Variants in POU2F2 observed in about 807,000 individuals in gnomAD.
The protein encoded by POU2F2 is POU class 2 homeobox 2.
Under a neutral mutation model 63.5 loss-of-function variants are expected in POU2F2, and 14 were observed. The observed-to-expected ratio is 0.22, with a 90% confidence interval of 0.15 to 0.34. POU2F2 has a LOEUF of 0.34. Ranked by LOEUF, POU2F2 falls within the 10% of genes least tolerant of loss-of-function variation. POU2F2 has a pLI of 1.00. For synonymous variants in POU2F2, 306 were observed against 348.6 expected (o/e 0.88, Z 1.36); for missense variants, 607 against 815.2 (o/e 0.74, Z 3.11).
intron 1 of POU2F2, among the ~76,000 whole-genome samples, chr19:42,123,426 C>T (rs2032876397): frequency 6.6e-6 from 1 of 152,152 alleles, no homozygotes; most frequent in Non-Finnish European, 1.5e-5. Context: ...TGCCTGTCCT[C>T]AAAGCGCTCT....
At chr19:42,195,924 C>G (rs1045076243) in intron 1 of POU2F2, among the ~76,000 whole-genome samples, 1 of 152,058 alleles carries the variant, frequency 6.6e-6, no homozygotes, top group Non-Finnish European at 1.5e-5. Context: ...GGATTACAGG[C>G]ATGTGCCACC....
chr19:42,148,776 C>T (rs1267067176), intron 2 of POU2F2, among the ~76,000 whole-genome samples: 1 of 144,514 alleles, frequency 6.9e-6, no homozygotes, highest in Non-Finnish European at 1.5e-5. Context: ...GGTTCTTCCT[C>T]ACTTGCTCCA....
At chr19:42,196,158 C>CCTGG (rs2035143216) in intron 1 of POU2F2, among the ~76,000 whole-genome samples, 1 of 152,050 alleles carries the variant, frequency 6.6e-6, no homozygotes, top group Admixed American at 6.6e-5. Flanking sequence ...GGCTCCGACC[C>CCTGG]GCTGTGTCCA....
intron 1 of POU2F2, among the ~76,000 whole-genome samples, chr19:42,187,456 CAAA>C (rs35993667): frequency 4.1e-5 from 2 of 48,948 alleles, no homozygotes; most frequent in Admixed American, 2.2e-4. Flanking sequence ...GACTCTGTCT[CAAA>C]AAAAAAAAAA....
chr19:42,110,586 C>T (rs994441190), intron 5 of POU2F2: 5 of 275,318 alleles, frequency 1.8e-5, no homozygotes, highest in African/African-American at 1.1e-4. Context: ...CACTTTCCCT[C>T]TGGGCCCCAG....
rs1599966983 is a variant in POU2F2, at chr19:42,099,833, T to C, written c.370-12A>G. 6.4e-7 allele frequency: 1 copy of C among 1,551,440 alleles called. No homozygotes were observed. Among genetic ancestry groups the C allele is most frequent in the Non-Finnish European group, 8.7e-7 (1 of 1,146,854 alleles). Reference sequence around the variant, plus strand: ...AGCTGCTGTATGTCCTGGCAGGGAGTGGGGTGGACAGAAAGATAGCCTGAG... The same window carrying C: ...AGCTGCTGTATGTCCTGGCAGGGAGCGGGGTGGACAGAAAGATAGCCTGAG... On this transcript the variant is annotated splice_polypyrimidine_tract_variant and intron_variant, in intron 5 of 14. Transcript: ENST00000692977.
At chr19:42,175,764 G>A (rs1433574397) in intron 1 of POU2F2, among the ~76,000 whole-genome samples, 1 of 152,040 alleles carries the variant, frequency 6.6e-6, no homozygotes, top group Non-Finnish European at 1.5e-5. Context: ...GGTGCACCGC[G>A]GCTCCCCAAC....
At chr19:42,125,859 T>A (rs1382198719) in intron 1 of POU2F2, among the ~76,000 whole-genome samples, 1 of 152,124 alleles carries the variant, frequency 6.6e-6, no homozygotes, top group East Asian at 1.9e-4. Context: ...TCCCCCTGCT[T>A]GGGGGTCTGC....
intron 5 of POU2F2, among the ~76,000 whole-genome samples, chr19:42,109,199 G>T (rs566297276): frequency 1.5e-4 from 23 of 152,310 alleles, no homozygotes; most frequent in Non-Finnish European, 2.6e-4. Flanking sequence ...AGAGCCGGCC[G>T]GCTGCAACGG....
chr19:42,191,173 T>C (rs189394747), intron 1 of POU2F2, among the ~76,000 whole-genome samples: 4 of 152,184 alleles, frequency 2.6e-5, no homozygotes, highest in Non-Finnish European at 5.9e-5. Flanking sequence ...CCCTCCATTC[T>C]TCTCTACCCA....
intron 2 of POU2F2, among the ~76,000 whole-genome samples, chr19:42,150,649 C>A (rs981343993): frequency 2.6e-5 from 4 of 151,898 alleles, no homozygotes; most frequent in African/African-American, 7.2e-5. Context: ...CCTGCACCCC[C>A]CTCCCTGCCT....
At chr19:42,097,384 A>G (rs1426067217) in intron 7 of POU2F2, among the ~76,000 whole-genome samples, 1 of 151,542 alleles carries the variant, frequency 6.6e-6, no homozygotes, top group African/African-American at 2.4e-5. Context: ...TTTAGTAGAG[A>G]TGGGGTTTCT....
chr19:42,139,175 C>T (rs1389326875), intron 2 of POU2F2, among the ~76,000 whole-genome samples: 1 of 152,124 alleles, frequency 6.6e-6, no homozygotes, highest in Non-Finnish European at 1.5e-5. Flanking sequence ...CAAAAATTAG[C>T]TGGGCATGGT....
Position 42,099,720 on chromosome 19 carries a change from C to A in POU2F2, c.471G>T (p.Gln157His). Residue 157 changes from glutamine to histidine, a missense_variant, in exon 6 of 15, where the codon CAG (glutamine) becomes CAT (histidine). Gln to His is a conservative substitution (Grantham distance 24). Around this residue, in one of 7 missense-constraint regions of POU2F2, gnomAD observed 224 missense variants for 264.3 expected, o/e 0.85. Coordinates refer to ENST00000692977, the MANE Select transcript of POU2F2 (RefSeq NM_001394376.1). ...CATCTGGGGTGGGGGCCTTACCTGG[C>A]TGGCTCTGCTGGGCCTGCGGTAGCA... ...QFLLPQAQQSQPGLLPTPNLF... is the reference protein window; with the variant it reads ...QFLLPQAQQSHPGLLPTPNLF... 3 of 1,594,302 alleles carry A rather than the reference C, an allele frequency of 1.9e-6. No individual in the cohort carries two copies. Among genetic ancestry groups the A allele is most frequent in the Non-Finnish European group, 2.6e-6 (3 of 1,169,582 alleles).
At chr19:42,131,344 T>C (rs2033711408) in intron 1 of POU2F2, among the ~76,000 whole-genome samples, 1 of 152,092 alleles carries the variant, frequency 6.6e-6, no homozygotes, top group African/African-American at 2.4e-5. Flanking sequence ...AGATACATGT[T>C]GGTGGAGGAC....
At chr19:42,148,011 C>A (rs1243024129) in intron 2 of POU2F2, among the ~76,000 whole-genome samples, 1 of 152,094 alleles carries the variant, frequency 6.6e-6, no homozygotes, top group Non-Finnish European at 1.5e-5. Flanking sequence ...GGATTTGTAC[C>A]CCTCACACTG....
At chr19:42,105,676 T>A (rs1165426515) in intron 5 of POU2F2, among the ~76,000 whole-genome samples, 1 of 152,168 alleles carries the variant, frequency 6.6e-6, no homozygotes, top group Non-Finnish European at 1.5e-5. Context: ...CACATCCCTG[T>A]CTAGTTTCTC....
chr19:42,115,657 C>T (rs972425483), intron 5 of POU2F2, among the ~76,000 whole-genome samples: 8 of 152,130 alleles, frequency 5.3e-5, no homozygotes, highest in African/African-American at 1.2e-4. Flanking sequence ...AGCTGCCCTT[C>T]GGAAGAGGAA....
intron 2 of POU2F2, among the ~76,000 whole-genome samples, chr19:42,141,326 T>C (rs2034121716): frequency 2.0e-5 from 3 of 152,138 alleles, no homozygotes; most frequent in Admixed American, 2.0e-4. Context: ...AATGACTAGT[T>C]TGGTAGTCAA....
Sources: gnomAD v4.1 joint callset for allele counts (sites outside exome capture counted in the v4.1 genomes callset) on GRCh38, gnomAD v4.1.1 for gene constraint, gnomAD v4.1.1 regional missense constraint, MANE v1.5 for transcripts, NCBI Gene and HGNC (gene_info 2026-07-23, HGNC 2026-07-21) for gene names.